Variants in ARHGAP28 observed in about 807,000 individuals in gnomAD.
The protein encoded by ARHGAP28 is Rho GTPase activating protein 28, also known as rho GTPase-activating protein 28.
Under a neutral mutation model 90.7 loss-of-function variants are expected in ARHGAP28, and 56 were observed. The ratio of observed to expected loss-of-function variants is 0.62; its 90% CI spans 0.50 to 0.77. The LOEUF is 0.77. Ranked by LOEUF, ARHGAP28 falls within the 30% of genes least tolerant of loss-of-function variation. ARHGAP28 has a pLI of 0.00. For missense variants in ARHGAP28, 869 were observed against 900.9 expected (o/e 0.96, Z 0.45); for synonymous variants, 308 against 323.3 (o/e 0.95, Z 0.51).
At chr18:6,849,584 C>A (rs926522489) in intron 3 of ARHGAP28, among the ~76,000 whole-genome samples, 1 of 152,126 alleles carries the variant, frequency 6.6e-6, no homozygotes. Context: ...TTTTTATAAT[C>A]CAAAAAACTT....
chr18:6,859,739 A>G (rs772618200), intron 4 of ARHGAP28, 69 bp from the exon 5 acceptor site: 17 of 1,447,428 alleles, frequency 1.2e-5, no homozygotes, highest in Admixed American at 1.7e-5. Context: ...ATGAACACAG[A>G]GCAGAATACA....
At chr18:6,797,177 G>A (rs1279901936) in intron 1 of ARHGAP28, among the ~76,000 whole-genome samples, 1 of 152,144 alleles carries the variant, frequency 6.6e-6, no homozygotes, top group African/African-American at 2.4e-5. Context: ...GCCCTGATTT[G>A]TGAAGAGGTG....
At chr18:6,854,076 G>T (rs1191751189) in intron 4 of ARHGAP28, among the ~76,000 whole-genome samples, 1 of 151,686 alleles carries the variant, frequency 6.6e-6, no homozygotes, top group Non-Finnish European at 1.5e-5. Context: ...TTAGTTACAT[G>T]AAAGTTGAAC....
chr18:6,757,777 T>C (rs1238300822), intron 1 of ARHGAP28, among the ~76,000 whole-genome samples: 1 of 152,150 alleles, frequency 6.6e-6, no homozygotes, highest in Non-Finnish European at 1.5e-5. Flanking sequence ...GTAAATTCTT[T>C]AAAAATCTGG....
chr18:6,734,299 C>G (rs540739718), intron 1 of ARHGAP28, among the ~76,000 whole-genome samples: 2 of 151,954 alleles, frequency 1.3e-5, no homozygotes, highest in Non-Finnish European at 2.9e-5. Flanking sequence ...TCAAGGGTTT[C>G]CTGAGTATAT....
At chr18:6,813,662 T>G (rs1448655323) in intron 1 of ARHGAP28, among the ~76,000 whole-genome samples, 4 of 152,120 alleles carry the variant, frequency 2.6e-5, no homozygotes, top group Non-Finnish European at 4.4e-5. Context: ...GCCTTATATT[T>G]TTTAAGTTAG....
chr18:6,863,819 G>A (rs1386730007), intron 5 of ARHGAP28, among the ~76,000 whole-genome samples: 1 of 136,808 alleles, frequency 7.3e-6, no homozygotes, highest in African/African-American at 2.8e-5. Flanking sequence ...TTTTGCTATT[G>A]TCTCCCAGGC....
chr18:6,889,849 C>T, intron 12 of ARHGAP28, 39 bp from the exon 13 acceptor site: 3 of 1,592,068 alleles, frequency 1.9e-6, no homozygotes, highest in Non-Finnish European at 2.6e-6. Context: ...GCACTTTTGA[C>T]AGTGTACAAT....
intron 11 of ARHGAP28, among the ~76,000 whole-genome samples, chr18:6,883,497 C>T (rs995362737): frequency 6.6e-6 from 1 of 152,084 alleles, no homozygotes; most frequent in Non-Finnish European, 1.5e-5. Context: ...CCTCACCCTC[C>T]AAATTGCTGG....
rs1194766012 is a variant in ARHGAP28, at chr18:6,890,090, GTGACATAGTGA to G, written c.1734+11_1734+21del. 4 of 1,613,974 alleles carry G rather than the reference GTGACATAGTGA, an allele frequency of 2.5e-6. No individual in the cohort carries two copies. The highest frequency in any genetic ancestry group is 1.7e-5 in the Admixed American group (1 of 60,000). On this transcript the variant is annotated splice_donor_region_variant and intron_variant, in intron 13 of 17. Transcript: ENST00000383472. The stretch of plus-strand genomic sequence containing the variant: ...TACCAGAAGATTTTGTGGAAGGTGA[GTGACATAGTGA>G]TGACAGGTCCCCCTCAGAAGTCCAT...
intron 10 of ARHGAP28, among the ~76,000 whole-genome samples, chr18:6,880,579 C>T (rs971965689): frequency 2.0e-5 from 3 of 152,202 alleles, no homozygotes; most frequent in South Asian, 2.1e-4. Flanking sequence ...CACTGGCGCT[C>T]GCTGCTCTCC....
intron 4 of ARHGAP28, among the ~76,000 whole-genome samples, chr18:6,855,415 G>A (rs1271602759): frequency 6.6e-6 from 1 of 152,148 alleles, no homozygotes; most frequent in African/African-American, 2.4e-5. Context: ...GTGGGAAAGG[G>A]CTACCCATTT....
In ARHGAP28 at chr18:6,794,218, A is replaced by G. The variant is rs74979467; in HGVS notation, c.123-30544A>G. ...CCAACCTCTTTTGATCCTCCCCACA[A>G]ATTAAGTTTCATAACAGACTACCAC... On this transcript the variant is annotated intron_variant, in intron 1 of 17. Coordinates refer to ENST00000383472, the MANE Select transcript of ARHGAP28 (RefSeq NM_001366230.1). 1.5e-3 allele frequency among the ~76,000 whole-genome samples: 236 copies of G among 152,286 alleles called. 5 individuals are homozygous for G. The East Asian group carries it at 0.042, about 27-fold the overall frequency.
chr18:6,873,429 C>T lies in ARHGAP28; in HGVS notation c.975C>T (p.Thr325=). 1.2e-6 allele frequency: 2 copies of T among 1,604,322 alleles called. No homozygotes were observed. The highest frequency in any genetic ancestry group is 1.7e-6 in the Non-Finnish European group (2 of 1,177,696). Residue 325 remains threonine, a synonymous_variant, in exon 8 of 18, where the codon ACC becomes ACT. Coordinates refer to ENST00000383472, the MANE Select transcript of ARHGAP28 (RefSeq NM_001366230.1). Reference sequence around the variant, plus strand: ...TTTAGAAATTTAATGTTCAGAAAACCAGATTTGGCTTAACTGAAGCAGGAG... The same window carrying T: ...TTTAGAAATTTAATGTTCAGAAAACTAGATTTGGCTTAACTGAAGCAGGAG... ...YVLTKFNVQK[T]RFGLTEAGDL...
chr18:6,853,743 G>A (rs993284431), intron 4 of ARHGAP28, among the ~76,000 whole-genome samples: 4 of 152,106 alleles, frequency 2.6e-5, no homozygotes, highest in African/African-American at 4.8e-5. Flanking sequence ...CCAAAGTCCT[G>A]GGATTACAGG....
In ARHGAP28 at chr18:6,845,284, G is replaced by A. The variant is rs1291067211; in HGVS notation, c.544-5750G>A. On this transcript the variant is annotated intron_variant, in intron 3 of 17. Transcript: ENST00000383472. Reference sequence around the variant, plus strand: ...TATAGAGATGAGGTCTCATTATGTTGCCCAGGCTGGTCTCAGACTCCTAGC... The same window carrying A: ...TATAGAGATGAGGTCTCATTATGTTACCCAGGCTGGTCTCAGACTCCTAGC... Among the ~76,000 whole-genome samples, 3 of 152,178 alleles carry A rather than the reference G, an allele frequency of 2.0e-5. No individual in the cohort carries two copies. In the East Asian group the frequency reaches 5.8e-4, roughly 29 times the overall value.
At chr18:6,893,194 A>G (rs2057279383) in intron 14 of ARHGAP28, among the ~76,000 whole-genome samples, 1 of 152,146 alleles carries the variant, frequency 6.6e-6, no homozygotes, top group Non-Finnish European at 1.5e-5. Context: ...GGCAAGGTAA[A>G]GGCAAGCCTT....
intron 11 of ARHGAP28, among the ~76,000 whole-genome samples, chr18:6,882,572 A>G (rs1185512371): frequency 2.6e-5 from 4 of 152,218 alleles, no homozygotes; most frequent in African/African-American, 9.6e-5. Context: ...TCTGTTAGCC[A>G]TGCAATCAAA....
At chr18:6,814,318 G>T (rs1420828959) in intron 1 of ARHGAP28, among the ~76,000 whole-genome samples, 1 of 152,142 alleles carries the variant, frequency 6.6e-6, no homozygotes, top group Non-Finnish European at 1.5e-5. Context: ...CCATCCACCT[G>T]AGAAAGCCCA....
Sources: gnomAD v4.1 joint callset for allele counts (sites outside exome capture counted in the v4.1 genomes callset) on GRCh38, gnomAD v4.1.1 for gene constraint, MANE v1.5 for transcripts, NCBI Gene and HGNC (gene_info 2026-07-23, HGNC 2026-07-21) for gene names.